MN1: variants seen among roughly 807,000 people sequenced by gnomAD.
The protein encoded by MN1 is transcriptional activator MN1.
A neutral mutation model predicts 86.9 loss-of-function variants in MN1; 19 were observed. The ratio of observed to expected loss-of-function variants is 0.22; its 90% confidence interval spans 0.15 to 0.32. MN1 has a LOEUF of 0.32. Ranked by LOEUF, MN1 falls within the 10% of genes least tolerant of loss-of-function variation. The pLI, the probability that MN1 is intolerant of heterozygous loss-of-function variation, is 1.00. For synonymous variants in MN1, 928 were observed against 849.6 expected, an observed-to-expected ratio of 1.09 and a Z score of -1.60; for missense variants, 1,841 against 1,862.0, an observed-to-expected ratio of 0.99 and a Z score of 0.21.
intron 1 of MN1, among the ~76,000 whole-genome samples, chr22:27,764,449 C>T (rs902490376): frequency 2.0e-5 from 3 of 152,226 alleles, no homozygotes; most frequent in Non-Finnish European, 4.4e-5. Flanking sequence ...AGCCCTGCCA[C>T]ATCTCAGATG....
Position 27,799,221 on chromosome 22 carries a change from C to G in MN1, c.1323G>C (p.Arg441=), listed in dbSNP as rs368956646. The G allele has an allele frequency of 1.9e-6, 3 of 1,598,894 alleles. No individual in the cohort carries two copies. The African/African-American group carries it at 4.0e-5, about 21-fold the overall frequency. ...AGGGGGGCGCGTCGAAATGCTGCAG[C>G]CGCTGGTTGGGCGCCTGCTGCGGAG... The part of the protein sequence containing the change: ...HPPPQQAPNQ[R]LQHFDAPPYM... Residue 441 remains arginine, a synonymous_variant, in exon 1 of 2, where the codon CGG becomes CGC. Coordinates refer to ENST00000302326, the MANE Select transcript of MN1 (RefSeq NM_002430.3).
intron 1 of MN1, among the ~76,000 whole-genome samples, chr22:27,770,482 C>A (rs2880840): frequency 0.15 from 22,336 of 152,126 alleles, 2,107 homozygotes; most frequent in Non-Finnish European, 0.22. Context: ...CTGCCTTGTC[C>A]CAGCTGTGTG....
At position 27,799,452 on chromosome 22, in the gene MN1, T is replaced by G. The variant is rs1933387590; in HGVS notation, c.1092A>C (p.Pro364=). The G allele has an allele frequency of 6.9e-7, 1 of 1,452,982 alleles. No homozygotes were observed. The highest frequency in any genetic ancestry group is 9.0e-7 in the Non-Finnish European group (1 of 1,105,448). 90.0% of individuals were successfully genotyped at this position (1,452,982 alleles called of 1,614,324 possible). A position where few individuals can be genotyped will look rare whatever the true frequency, so the allele number is the denominator to read the frequency against. Residue 364 remains proline (P), a synonymous_variant, in exon 1 of 2, where the codon CCA becomes CCC. Transcript: ENST00000302326. ...QQPPQQQPPP[P]PGLLVRQNSC... ...AATTTTGTCGGACTAGAAGCCCGGG[T>G]GGCGGCGGCGGCTGCTGCTGTGGCG...
chr22:27,755,901 G>A (rs1429750231), intron 1 of MN1, among the ~76,000 whole-genome samples: 2 of 152,224 alleles, frequency 1.3e-5, no homozygotes, highest in South Asian at 2.1e-4. Context: ...GCCACCATTC[G>A]TGGAGCAAGG....
rs45524840 is a variant in MN1, at chr22:27,756,254, G to A, written c.3782-5158C>T. Among the ~76,000 whole-genome samples, 80 of 152,352 alleles carry A rather than the reference G, an allele frequency of 5.3e-4. No homozygotes were observed. The East Asian group carries it at 0.013, about 24-fold the overall frequency. ...CTTCTAGAGATGCCACCCACCCATA[G>A]AGGGGGCCGAGTTTTCTTTTTTTCT... On this transcript the variant is annotated intron_variant, in intron 1 of 1. Transcript: ENST00000302326.
intron 1 of MN1, among the ~76,000 whole-genome samples, chr22:27,751,762 G>A (rs1480746968): frequency 6.6e-6 from 1 of 152,148 alleles, no homozygotes; most frequent in East Asian, 1.9e-4. Flanking sequence ...GGAGCAGGAA[G>A]GATGGAGAAG....
chr22:27,757,289 C>T (rs1932807406), intron 1 of MN1, among the ~76,000 whole-genome samples: 1 of 152,218 alleles, frequency 6.6e-6, no homozygotes. Flanking sequence ...CCCACCTTGG[C>T]CTCCCAAAGT....
Position 27,799,339 on chromosome 22 carries a change from C to A in MN1, c.1205G>T (p.Ser402Ile). Residue 402 changes from serine to isoleucine, a missense_variant, in exon 1 of 2, where the codon AGC (serine) becomes ATC (isoleucine). Physicochemically the swap from Ser to Ile is moderately radical, Grantham distance 142. Coordinates refer to ENST00000302326, the MANE Select transcript of MN1 (RefSeq NM_002430.3). Reference protein sequence around the residue: ...GLQDGGPMLPSQHAQFEYPIH... With the variant: ...GLQDGGPMLPIQHAQFEYPIH... ...GGGATACTCGAATTGCGCGTGCTGG[C>A]TGGGCAGCATGGGGCCTCCGTCCTG... is the stretch of plus-strand genomic sequence containing the variant. The A allele has an allele frequency of 6.3e-7, 1 of 1,590,552 alleles. No individual in the cohort carries two copies. Among genetic ancestry groups the A allele is most frequent in the Admixed American group, 1.7e-5 (1 of 58,634 alleles).
chr22:27,797,942 C>T lies in MN1; in HGVS notation c.2602G>A (p.Ala868Thr). The change falls in exon 1 of 2, where the codon GCG becomes ACG. Residue 868 changes from alanine (A) to threonine (T), a missense_variant. Ala to Thr is a moderately conservative substitution (Grantham distance 58, BLOSUM62 0). Coordinates refer to ENST00000302326, the MANE Select transcript of MN1 (RefSeq NM_002430.3). ...GAGCCCGGGTTGCCGGCCACTGCCG[C>T]GCCGTCGGTCTCGTTCTGGCTCAGT... ...RKLSQNETDG[A>T]AVAGNPGSDY... The T allele has an allele frequency of 1.3e-6, 2 of 1,595,440 alleles. No individual in the cohort carries two copies. The highest frequency in any genetic ancestry group is 1.7e-6 in the Non-Finnish European group (2 of 1,170,544).
chr22:27,772,629 G>A (rs1256284922), intron 1 of MN1, among the ~76,000 whole-genome samples: 2 of 152,144 alleles, frequency 1.3e-5, no homozygotes, highest in African/African-American at 4.8e-5. Context: ...TGGTGTGCTG[G>A]TGAGAGCCTG....
Position 27,749,378 on chromosome 22 carries a change from G to A in MN1, c.*1537C>T, listed in dbSNP as rs1411859154. ...TGGAGCGTTTTAGTAAGACACGCTCGTTAACAAAAACTGAAATTAAATAGA... is the reference window on the plus strand; with the variant it reads ...TGGAGCGTTTTAGTAAGACACGCTCATTAACAAAAACTGAAATTAAATAGA... On this transcript the variant is annotated 3_prime_UTR_variant, in exon 2 of 2. Transcript: ENST00000302326. 3 of 231,600 alleles carry A rather than the reference G, an allele frequency of 1.3e-5. No individual in the cohort carries two copies. Among genetic ancestry groups the A allele is most frequent in the East Asian group, 6.1e-5 (1 of 16,404 alleles). 14.3% of individuals were successfully genotyped at this position (231,600 alleles called of 1,614,324 possible).
chr22:27,748,897 C>T lies in MN1; in HGVS notation c.*2018G>A, dbSNP rs41277847. The T allele has an allele frequency of 2.8e-3, 650 of 229,010 alleles. 1 individual carries two copies. Among genetic ancestry groups the T allele is most frequent in the Non-Finnish European group, 4.5e-3 (516 of 115,392 alleles). The allele number at this position is 229,010 out of a possible 1,614,324, so 14.2% of individuals were successfully genotyped here. On this transcript the variant is annotated 3_prime_UTR_variant, in exon 2 of 2. Coordinates refer to ENST00000302326, the MANE Select transcript of MN1 (RefSeq NM_002430.3). ...GTTTCAAAAGTAAAATGATGAGGCTCTCAAACAGCTGTACACTGCAGAATC... is the reference window on the plus strand; with the variant it reads ...GTTTCAAAAGTAAAATGATGAGGCTTTCAAACAGCTGTACACTGCAGAATC...
chr22:27,756,842 A>G (rs1330767515), intron 1 of MN1, among the ~76,000 whole-genome samples: 2 of 152,194 alleles, frequency 1.3e-5, no homozygotes, highest in East Asian at 3.9e-4. Flanking sequence ...TGCAACCTCA[A>G]CCTCCTGGGC....
At chr22:27,776,577 C>T (rs947838805) in intron 1 of MN1, among the ~76,000 whole-genome samples, 1 of 152,164 alleles carries the variant, frequency 6.6e-6, no homozygotes, top group Non-Finnish European at 1.5e-5. Context: ...CCGGTCACCT[C>T]GGCTTGGCTG....
intron 1 of MN1, among the ~76,000 whole-genome samples, chr22:27,764,878 G>A (rs1314896474): frequency 6.6e-6 from 1 of 152,170 alleles, no homozygotes; most frequent in Non-Finnish European, 1.5e-5. Flanking sequence ...GCCCACTACA[G>A]CACACAAGTC....
In MN1 at chr22:27,799,275, G is replaced by A. The variant is rs1172658937; in HGVS notation, c.1269C>T (p.Ser423=). ...RLENRSMHPY[S]EPVFSMQHPP... ...GATGCTGCATGCTGAAAACAGGCTCGGAATAAGGGTGCATGCTCCGGTTCT... is the reference window on the plus strand; with the variant it reads ...GATGCTGCATGCTGAAAACAGGCTCAGAATAAGGGTGCATGCTCCGGTTCT... Residue 423 remains serine, a synonymous_variant, in exon 1 of 2, where the codon TCC becomes TCT. Coordinates refer to ENST00000302326, the MANE Select transcript of MN1 (RefSeq NM_002430.3). 6.3e-7 allele frequency: 1 copy of A among 1,580,140 alleles called. No individual in the cohort carries two copies. The highest frequency in any genetic ancestry group is 1.3e-5 in the African/African-American group (1 of 74,250).
chr22:27,755,544 G>C (rs1209207550), intron 1 of MN1, among the ~76,000 whole-genome samples: 1 of 152,204 alleles, frequency 6.6e-6, no homozygotes, highest in Non-Finnish European at 1.5e-5. Context: ...CCAGAGCTGA[G>C]ACAGACACCC....
chr22:27,795,337 C>T (rs1933276117), intron 1 of MN1, among the ~76,000 whole-genome samples: 1 of 152,098 alleles, frequency 6.6e-6, no homozygotes, highest in Non-Finnish European at 1.5e-5. Context: ...AGTTCTGAAC[C>T]ACCCAACTCC....
At chr22:27,772,747 G>A (rs1932930196) in intron 1 of MN1, among the ~76,000 whole-genome samples, 1 of 152,078 alleles carries the variant, frequency 6.6e-6, no homozygotes, top group Non-Finnish European at 1.5e-5. Flanking sequence ...ATAGTAAACT[G>A]TTCCCAGTGG....
Sources: allele counts gnomAD v4.1 joint callset (sites outside exome capture counted in the v4.1 genomes callset), GRCh38; gene constraint gnomAD v4.1.1; transcripts MANE v1.5; gene names NCBI Gene and HGNC (gene_info 2026-07-23, HGNC 2026-07-21).